The following TUBGCP2 variants were observed in gnomAD, a reference collection of about 807,000 sequenced individuals.
TUBGCP2 encodes tubulin gamma complex component 2.
In TUBGCP2, 55 loss-of-function variants were observed where a neutral mutation model predicts 92.2. The observed-to-expected ratio is 0.60, with a 90% CI of 0.48 to 0.75. The LOEUF is 0.75. Ranked by LOEUF, TUBGCP2 falls within the 30% of genes least tolerant of loss-of-function variation. The pLI is 0.00. For synonymous variants in TUBGCP2, 533 were observed against 505.2 expected (o/e 1.06, Z -0.74); for missense variants, 1,093 against 1,188.9 (o/e 0.92, Z 1.19).
At chr10:133,280,102 T>C (rs915690998) in intron 17 of TUBGCP2, among the ~76,000 whole-genome samples, 1 of 152,094 alleles carries the variant, frequency 6.6e-6, no homozygotes, top group African/African-American at 2.4e-5. Context: ...GCTCCTACCA[T>C]GGGGAAGTGT....
At chr10:133,309,466 A>G (rs549473598), upstream of TUBGCP2, 1 of 1,611,738 alleles carries the variant, frequency 6.2e-7, no homozygotes, top group African/African-American at 1.3e-5. Flanking sequence ...AAGCCCAGGT[A>G]AGCGAATGGG....
At position 133,293,288 on chromosome 10, in the gene TUBGCP2, T is replaced by C. The variant is rs758032949; in HGVS notation, c.825-50A>G. 15 of 1,588,070 alleles carry C rather than the reference T, an allele frequency of 9.4e-6. No homozygotes were observed. In the Admixed American group the frequency reaches 1.0e-4, roughly 11 times the overall value. Reference sequence around the variant, plus strand: ...CTCAAAAAGGCAAGCTGCAGGCACATACAATGTCCGATATTCTGAGTCTCA... The same window carrying C: ...CTCAAAAAGGCAAGCTGCAGGCACACACAATGTCCGATATTCTGAGTCTCA... On this transcript the variant is annotated intron_variant, in intron 6 of 17. Coordinates refer to ENST00000252936, the MANE Select transcript of TUBGCP2 (RefSeq NM_006659.4).
intron 17 of TUBGCP2, among the ~76,000 whole-genome samples, chr10:133,280,576 G>A (rs1267872029): frequency 6.6e-6 from 1 of 152,214 alleles, no homozygotes; most frequent in Non-Finnish European, 1.5e-5. Flanking sequence ...ACAGCCGCAG[G>A]GTGCCAATGG....
At chr10:133,312,268 G>C (rs1848009893), upstream of TUBGCP2, 1 of 1,316,512 alleles carries the variant, frequency 7.6e-7, no homozygotes, top group Non-Finnish European at 9.7e-7. Flanking sequence ...TGCCTTTCTA[G>C]CATGACCTGT....
In TUBGCP2 at chr10:133,287,378, T is replaced by A. The variant is rs563765848; in HGVS notation, c.1722+751A>T. On this transcript the variant is annotated intron_variant, in intron 11 of 17. Coordinates refer to ENST00000252936, the MANE Select transcript of TUBGCP2 (RefSeq NM_006659.4). ...TGAAGGATCGCTTGAGCCCAGGGGT[T>A]CAACCAGCCTGGGCAACACAGACCC... is the stretch of plus-strand genomic sequence containing the variant. Among the ~76,000 whole-genome samples the A allele has an allele frequency of 2.0e-5, 3 of 152,262 alleles. No individual in the cohort carries two copies. The East Asian group carries it at 5.8e-4, about 29-fold the overall frequency.
At chr10:133,310,089 G>A, upstream of TUBGCP2, 3 of 1,611,236 alleles carry the variant, frequency 1.9e-6, no homozygotes, top group South Asian at 3.3e-5. Flanking sequence ...TTCCGCCCTT[G>A]GCAGCTCTGC....
chr10:133,311,548 CCTT>C (rs1847988304), upstream of TUBGCP2: 1 of 602,362 alleles, frequency 1.7e-6, no homozygotes, highest in African/African-American at 1.9e-5. Flanking sequence ...TAATCATTCT[CCTT>C]TTCCCAGTAT....
chr10:133,308,932 G>GCGCCCGGGGTGATGCAGTTGC, upstream of TUBGCP2: 1 of 1,219,908 alleles, frequency 8.2e-7, no homozygotes, highest in South Asian at 4.1e-5. Context: ...GCGCCCGCCC[G>GCGCCCGGGGTGATGCAGTTGC]CGCCCGGGGT....
chr10:133,290,536 A>G (rs1352933841), intron 8 of TUBGCP2: 2 of 152,508 alleles, frequency 1.3e-5, no homozygotes, highest in Non-Finnish European at 2.9e-5. Flanking sequence ...ACAAACCTAC[A>G]AACCTCGCTC....
chr10:133,291,899 G>C (rs146991552), intron 8 of TUBGCP2, among the ~76,000 whole-genome samples: 404 of 2,372 alleles, frequency 0.17, 119 homozygotes, highest in South Asian at 0.43. Flanking sequence ...AGCATGCACC[G>C]TCCGTGTCCC....
chr10:133,304,861 T>C (rs1847770726), intron 1 of TUBGCP2, among the ~76,000 whole-genome samples: 1 of 152,206 alleles, frequency 6.6e-6, no homozygotes, highest in Non-Finnish European at 1.5e-5. Flanking sequence ...GACAAGAATG[T>C]GAGCCTTCTG....
chr10:133,312,080 C>T (rs1261695350), upstream of TUBGCP2: 24 of 1,458,874 alleles, frequency 1.6e-5, no homozygotes, highest in South Asian at 2.9e-5. Context: ...GCACCACTCA[C>T]TTTTCCTCAT....
chr10:133,292,658 C>T lies in TUBGCP2; in HGVS notation c.1055G>A (p.Gly352Glu). 1 of 1,613,996 alleles carries T rather than the reference C, an allele frequency of 6.2e-7. No homozygotes were observed. ...GTGGAGCAGGCTCAGCGTGGACCCC[C>T]CAAGACATTCGCCTTTGTCCACCGA... ...ATSVDKGECL[G>E]GSTLSLLHDR... The change falls in exon 8 of 18, where the codon GGG becomes GAG. Residue 352 changes from glycine to glutamate, a missense_variant. Gly to Glu is a moderately conservative substitution (Grantham distance 98). Coordinates refer to ENST00000252936, the MANE Select transcript of TUBGCP2 (RefSeq NM_006659.4).
intron 6 of TUBGCP2, 133 bp from the exon 7 acceptor site, chr10:133,293,371 C>T (rs1432871680): frequency 3.2e-6 from 4 of 1,245,202 alleles, no homozygotes; most frequent in Admixed American, 4.3e-5. Context: ...GGAACTTTTG[C>T]CCCAGGAGGA....
At chr10:133,291,074 T>C (rs541201730) in intron 8 of TUBGCP2, 11 of 232,788 alleles carry the variant, frequency 4.7e-5, no homozygotes, top group African/African-American at 1.4e-4. Context: ...AAGGACCTAA[T>C]TGGAGGCAAT....
At chr10:133,309,391 A>G (rs769944549), upstream of TUBGCP2, 2 of 1,611,162 alleles carry the variant, frequency 1.2e-6, no homozygotes, top group South Asian at 2.2e-5. Flanking sequence ...TTCCTGCAGG[A>G]TGGGGACGTG....
chr10:133,297,194 G>A (rs1847506778), intron 5 of TUBGCP2: 10 of 294,668 alleles, frequency 3.4e-5, no homozygotes, highest in South Asian at 2.7e-4. Flanking sequence ...CAGAGGTCAG[G>A]AGTTCGAGAC....
intron 1 of TUBGCP2, among the ~76,000 whole-genome samples, chr10:133,303,604 A>T (rs1037577720): frequency 5.9e-5 from 9 of 152,152 alleles, no homozygotes; most frequent in Admixed American, 5.9e-4. Context: ...ACCGGCACAC[A>T]CAGTAACATC....
At chr10:133,283,459 A>G (rs1847040814) in intron 14 of TUBGCP2, among the ~76,000 whole-genome samples, 1 of 152,250 alleles carries the variant, frequency 6.6e-6, no homozygotes, top group Non-Finnish European at 1.5e-5. Flanking sequence ...CAGCTTCTGG[A>G]ATTTGGTACC....
Sources: allele counts gnomAD v4.1 joint callset (sites outside exome capture counted in the v4.1 genomes callset), GRCh38; gene constraint gnomAD v4.1.1; transcripts MANE v1.5; gene names NCBI Gene and HGNC (gene_info 2026-07-23, HGNC 2026-07-21).